Variants in PNKP observed in about 807,000 individuals in gnomAD.
PNKP encodes polynucleotide kinase 3'-phosphatase.
A neutral mutation model predicts 66.2 loss-of-function variants in PNKP; 82 were observed. The observed-to-expected ratio is 1.24, with a 90% confidence interval of 1.04 to 1.49. The LOEUF (loss-of-function observed/expected upper bound fraction) is 1.49. Among genes scored for constraint, PNKP ranks in the 40% most tolerant of loss-of-function variants. The pLI is 0.00. For synonymous variants in PNKP, 412 were observed against 298.9 expected (o/e 1.38, Z -3.90); for missense variants, 907 against 706.8 (o/e 1.28, Z -3.21).
rs1289682803 is a variant in PNKP, at chr19:49,861,253, C to T, written c.1561G>A (p.Gly521Ser). Residue 521 changes from glycine (G) to serine (S), a missense_variant, in exon 17 of 17, where the codon GGC becomes AGC. Gly to Ser is a moderately conservative substitution (Grantham distance 56). Transcript: ENST00000322344. ...LGRLYCQFSEG is the reference protein window; with the variant it reads ...LGRLYCQFSES ...GGAGGGGAGCTGGGCGGGGCTCAGC[C>T]CTCGGAGAACTGGCAGTACAGCCGC... 13 of 1,593,850 alleles carry T rather than the reference C, an allele frequency of 8.2e-6. No homozygotes were observed. Among genetic ancestry groups the T allele is most frequent in the African/African-American group, 1.3e-5 (1 of 74,482 alleles).
At chr19:49,864,528 CCG>C in intron 4 of PNKP, 125 bp from the exon 5 acceptor site, 1 of 783,862 alleles carries the variant, frequency 1.3e-6, no homozygotes, top group Non-Finnish European at 2.3e-6. Context: ...GATGGGGAAA[CCG>C]AGTCACAGAG....
chr19:49,865,598 A>T, intron 3 of PNKP, 172 bp from the exon 4 acceptor site: 1 of 527,884 alleles, frequency 1.9e-6, no homozygotes, highest in Admixed American at 3.6e-5. Flanking sequence ...GCCTTGTCCG[A>T]ATCTTTTTTT....
At position 49,861,883 on chromosome 19, in the gene PNKP, T is replaced by G. The variant is rs767645983; in HGVS notation, c.1189-2A>C. 1 of 1,585,766 alleles carries G rather than the reference T, an allele frequency of 6.3e-7. No homozygotes were observed. The highest frequency in any genetic ancestry group is 8.6e-7 in the Non-Finnish European group (1 of 1,168,076). On this transcript the variant is annotated splice_acceptor_variant, in intron 13 of 16. Transcript: ENST00000322344. LOFTEE classifies it high-confidence loss of function. ...GCGCTGCCAGGAGCCTAGCGTGTCC[T>G]GGGGACACGAGAGGTCACAAACAGA...
rs551774481 is a variant in PNKP at position 49,865,195 on chromosome 19, T to C, written c.430A>G (p.Asn144Asp). Residue 144 changes from asparagine (N) to aspartate (D), a missense_variant, in exon 4 of 17, where the codon AAC (asparagine) becomes GAC (aspartate). Transcript: ENST00000322344. ...TTCTCCAAGTTCTCCCAGCCGGGGT[T>C]TGACTTCCGCATACGCTTCTTCGGC... ...ELPKKRMRKS[N>D]PGWENLEKLL... is the part of the protein sequence containing the mutation. The C allele has an allele frequency of 8.4e-5, 136 of 1,614,252 alleles. 1 individual carries two copies. In the South Asian group the frequency reaches 1.4e-3, roughly 16 times the overall value.
rs55756709 is a variant in PNKP, at chr19:49,867,036, A to C, written c.151+18T>G. 400 of 1,613,062 alleles carry C rather than the reference A, an allele frequency of 2.5e-4. No homozygotes were observed. The highest frequency in any genetic ancestry group is 3.2e-4 in the Non-Finnish European group (379 of 1,179,266). On this transcript the variant is annotated intron_variant, in intron 2 of 16. Coordinates refer to ENST00000322344, the MANE Select transcript of PNKP (RefSeq NM_007254.4). ...TTTTGCAGCAGGCCACACCCCCTCC[A>C]GCTCAGGCCCCGCTCACCTTGAGTT...
At position 49,865,381 on chromosome 19, in the gene PNKP, C is replaced by T; in HGVS notation, c.244G>A (p.Gly82Arg). The T allele has an allele frequency of 6.2e-7, 1 of 1,613,138 alleles. No individual in the cohort carries two copies. The highest frequency in any genetic ancestry group is 1.3e-5 in the African/African-American group (1 of 74,984). Reference sequence around the variant, plus strand: ...CCCACCCCCAGAGAGCCCTCCAACCCCGGCTTCAACTCCTGGGTCCCGGTA... The same window carrying T: ...CCCACCCCCAGAGAGCCCTCCAACCTCGGCTTCAACTCCTGGGTCCCGGTA... ...STTGTQELKP[G>R]LEGSLGVGDT... is the part of the protein sequence containing the mutation. Residue 82 changes from glycine to arginine, a missense_variant, in exon 4 of 17, where the codon GGG (glycine) becomes AGG (arginine). By Grantham distance (125) the Gly-to-Arg change is moderately radical. Coordinates refer to ENST00000322344, the MANE Select transcript of PNKP (RefSeq NM_007254.4).
At position 49,862,758 on chromosome 19, in the gene PNKP, G is replaced by C. The variant is rs201778535; in HGVS notation, c.817-20C>G. The C allele has an allele frequency of 7.8e-5, 126 of 1,613,800 alleles. No homozygotes were observed. Among genetic ancestry groups the C allele is most frequent in the Non-Finnish European group, 9.8e-5 (116 of 1,179,874 alleles). ...GTTGGCCTACGGGAGACGGTAGTGA[G>C]GAGGCCCTTCCCACAAATGTCCCCC... is the stretch of plus-strand genomic sequence containing the variant. On this transcript the variant is annotated intron_variant, in intron 8 of 16. Transcript: ENST00000322344.
At position 49,867,112 on chromosome 19, in the gene PNKP, C is replaced by G. The variant is rs749872180; in HGVS notation, c.93G>C (p.Leu31=). The G allele has an allele frequency of 1.5e-5, 25 of 1,613,448 alleles. No homozygotes were observed. Among genetic ancestry groups the G allele is most frequent in the Middle Eastern group, 1.6e-4 (1 of 6,084 alleles). The part of the protein sequence containing the change: ...PIFLPSDGQA[L]VLGRGPLTQV... ...GGGTCAGGGGTCCCCTGCCCAGGAC[C>G]AGGGCTTGCCCGTCCGAGGGCAGGA... Residue 31 remains leucine (L), a synonymous_variant, in exon 2 of 17, where the codon CTG becomes CTC. Transcript: ENST00000322344.
intron 2 of PNKP, 159 bp downstream of exon 2, chr19:49,866,895 A>C: frequency 1.3e-6 from 1 of 794,168 alleles, no homozygotes; most frequent in South Asian, 1.4e-5. Flanking sequence ...GCTAATTCTA[A>C]ATCAAGCACA....
At chr19:49,862,849 C>T (rs1468919208) in intron 8 of PNKP, 111 bp from the exon 9 acceptor site, 14 of 1,181,194 alleles carry the variant, frequency 1.2e-5, no homozygotes, top group East Asian at 7.3e-5. Flanking sequence ...AATCATCCCC[C>T]GACCTTTCAT....
rs760910540 is a variant in PNKP, at chr19:49,864,392, A to C, written c.510T>G (p.Phe170Leu). ...TGGTGATGAGCGTCCCGTCCAGATCAAAGCCAGCCACCTGGTGTCACCAAG... is the reference window on the plus strand; with the variant it reads ...TGGTGATGAGCGTCCCGTCCAGATCCAAGCCAGCCACCTGGTGTCACCAAG... Reference protein sequence around the residue: ...GVKPQGKVAGFDLDGTLITTR... With the variant: ...GVKPQGKVAGLDLDGTLITTR... The change falls in exon 5 of 17, where the codon TTT becomes TTG. Residue 170 changes from phenylalanine (F) to leucine (L), a missense_variant. Phe to Leu is a conservative substitution (Grantham distance 22). Coordinates refer to ENST00000322344, the MANE Select transcript of PNKP (RefSeq NM_007254.4). 6.2e-7 allele frequency: 1 copy of C among 1,613,712 alleles called. No individual in the cohort carries two copies. Among genetic ancestry groups the C allele is most frequent in the South Asian group, 1.1e-5 (1 of 91,070 alleles).
rs2074824164 is a variant in PNKP, at chr19:49,866,856, G to A, written c.151+198C>T. On this transcript the variant is annotated intron_variant, in intron 2 of 16. Transcript: ENST00000322344. ...CGCAGTGAACATCCTCCCTAAATCG[G>A]CTCGATCCCCTCTCCCCCAAAGGAT... is the stretch of plus-strand genomic sequence containing the variant. 6.2e-6 allele frequency: 4 copies of A among 642,582 alleles called. No homozygotes were observed. The South Asian group carries it at 7.2e-5, about 12-fold the overall frequency. 39.8% of individuals were successfully genotyped at this position (642,582 alleles called of 1,614,324 possible). A position where few individuals can be genotyped will look rare whatever the true frequency, so the allele number is the denominator to read the frequency against.
At position 49,861,766 on chromosome 19, in the gene PNKP, C is replaced by A. The variant is rs578207030; in HGVS notation, c.1298+6G>T. 8.9e-6 allele frequency: 14 copies of A among 1,565,880 alleles called. No homozygotes were observed. Among genetic ancestry groups the A allele is most frequent in the African/African-American group, 1.4e-5 (1 of 72,834 alleles). On this transcript the variant is annotated splice_donor_region_variant and intron_variant, in intron 14 of 16. Transcript: ENST00000322344. Reference sequence around the variant, plus strand: ...CAGGCCACCTACGGCCCCGCGGTCACGCTACCTGGCGCGGCTCGCGGCGTC... The same window carrying A: ...CAGGCCACCTACGGCCCCGCGGTCAAGCTACCTGGCGCGGCTCGCGGCGTC...
At position 49,865,114 on chromosome 19, in the gene PNKP, G is replaced by C. The variant is rs769525102; in HGVS notation, c.498+13C>G. 6.2e-7 allele frequency: 1 copy of C among 1,611,690 alleles called. No individual in the cohort carries two copies. The highest frequency in any genetic ancestry group is 8.5e-7 in the Non-Finnish European group (1 of 1,178,780). ...TCTGTGGCGGCTCCCTCAGCCCTCG[G>C]CGTGGCCCTCACCTTGCCCTGGGGT... On this transcript the variant is annotated intron_variant, in intron 4 of 16. Coordinates refer to ENST00000322344, the MANE Select transcript of PNKP (RefSeq NM_007254.4).
At chr19:49,863,101 C>T (rs1181300674) in intron 8 of PNKP, among the ~76,000 whole-genome samples, 2 of 152,208 alleles carry the variant, frequency 1.3e-5, no homozygotes, top group African/African-American at 4.8e-5. Context: ...CCCTCCCTCG[C>T]TTAGAGCCAG....
chr19:49,865,498 C>A (rs1056158719), intron 3 of PNKP, 72 bp from the exon 4 acceptor site: 20 of 1,149,368 alleles, frequency 1.7e-5, no homozygotes, highest in Non-Finnish European at 2.6e-5. Context: ...AAATACCCAG[C>A]GGAAAAATCA....
Position 49,865,233 on chromosome 19 carries a change from C to T in PNKP, c.392G>A (p.Arg131Lys). The change falls in exon 4 of 17, where the codon AGA (arginine) becomes AAA (lysine). Residue 131 changes from arginine to lysine, a missense_variant. Transcript: ENST00000322344. Reference protein sequence around the residue: ...GTPLVSQDEKRDAELPKKRMR... With the variant: ...GTPLVSQDEKKDAELPKKRMR... ...ACGCTTCTTCGGCAGCTCAGCATCT[C>T]TCTTCTCATCTTGGGACACCAGAGG... The T allele has an allele frequency of 6.2e-7, 1 of 1,614,236 alleles. No individual in the cohort carries two copies.
At chr19:49,861,542 A>C in intron 15 of PNKP, 32 bp from the exon 16 acceptor site, 1 of 682,794 alleles carries the variant, frequency 1.5e-6, no homozygotes, top group Non-Finnish European at 2.0e-6. Context: ...CGGCAGGCCC[A>C]GGGGTCAGGG....
At chr19:49,866,834 A>T in intron 2 of PNKP, 1 of 615,822 alleles carries the variant, frequency 1.6e-6, no homozygotes, top group East Asian at 2.8e-5. Context: ...TCATCCGCGC[A>T]GTGAACATCC....
Sources: allele counts gnomAD v4.1 joint callset (sites outside exome capture counted in the v4.1 genomes callset), GRCh38; gene constraint gnomAD v4.1.1; transcripts MANE v1.5; gene names NCBI Gene and HGNC (gene_info 2026-07-23, HGNC 2026-07-21).